SNAP91: variants seen among roughly 807,000 people sequenced by gnomAD.
The protein encoded by SNAP91 is clathrin coat assembly protein AP180.
SNAP91 carries 27 observed loss-of-function variants against 100.3 expected under a neutral mutation model. The observed-to-expected ratio is 0.27, with a 90% CI of 0.20 to 0.37. SNAP91 has a LOEUF of 0.37. SNAP91 is among the 10% of genes least tolerant of loss of function. The pLI is 1.00. For missense variants in SNAP91, 986 were observed against 1,123.7 expected, an observed-to-expected ratio of 0.88 and a Z score of 1.75; for synonymous variants, 404 against 398.6, an observed-to-expected ratio of 1.01 and a Z score of -0.16.
intron 9 of SNAP91, among the ~76,000 whole-genome samples, chr6:83,620,314 A>G (rs980189767): frequency 6.6e-6 from 1 of 152,146 alleles, no homozygotes; most frequent in African/African-American, 2.4e-5. Context: ...ATTTTTGTTC[A>G]TTACCTGGCT....
intron 12 of SNAP91, among the ~76,000 whole-genome samples, chr6:83,610,448 C>T (rs1011408490): frequency 6.7e-6 from 1 of 149,292 alleles, no homozygotes; most frequent in African/African-American, 2.5e-5. Context: ...GCCAGGGGAT[C>T]GGGGAGAGAG....
chr6:83,616,869 T>A, intron 10 of SNAP91, 100 bp downstream of exon 10: 1 of 803,132 alleles, frequency 1.2e-6, no homozygotes. Flanking sequence ...AAGCATACCC[T>A]AAAACTAGAG....
chr6:83,662,506 T>A (rs973804029), intron 3 of SNAP91, 84 bp from the exon 4 acceptor site: 17 of 442,850 alleles, frequency 3.8e-5, no homozygotes, highest in African/African-American at 3.1e-4. Flanking sequence ...TTTTTTTTTT[T>A]AACAAATTCT....
intron 7 of SNAP91, among the ~76,000 whole-genome samples, chr6:83,652,782 A>T (rs187607970): frequency 2.0e-4 from 30 of 152,290 alleles, no homozygotes; most frequent in Non-Finnish European, 3.5e-4. Context: ...GCAAATGCAG[A>T]TCTACTGGCA....
intron 2 of SNAP91, among the ~76,000 whole-genome samples, chr6:83,669,482 C>T (rs1242579184): frequency 2.0e-5 from 3 of 151,878 alleles, no homozygotes; most frequent in African/African-American, 7.3e-5. Context: ...GTTTATGAAA[C>T]AGCTTTATTG....
At chr6:83,642,287 C>A (rs1181230463) in intron 7 of SNAP91, among the ~76,000 whole-genome samples, 1 of 151,832 alleles carries the variant, frequency 6.6e-6, no homozygotes, top group Non-Finnish European at 1.5e-5. Flanking sequence ...TGTGCTGCAC[C>A]CATTAACTCA....
chr6:83,701,237 T>A (rs1043388046), intron 2 of SNAP91, among the ~76,000 whole-genome samples: 1 of 152,002 alleles, frequency 6.6e-6, no homozygotes, highest in Admixed American at 6.6e-5. Context: ...TGGAGATACT[T>A]GAAAATACTT....
intron 22 of SNAP91, among the ~76,000 whole-genome samples, chr6:83,585,755 T>C (rs80057233): frequency 6.6e-6 from 1 of 152,268 alleles, no homozygotes; most frequent in East Asian, 1.9e-4. Context: ...AATGAAGTTC[T>C]ATTGATTCAG....
chr6:83,655,006 T>C (rs1191394366), intron 7 of SNAP91, among the ~76,000 whole-genome samples: 1 of 152,202 alleles, frequency 6.6e-6, no homozygotes, highest in African/African-American at 2.4e-5. Flanking sequence ...CCTCTTTGGC[T>C]GTCATACTCC....
At chr6:83,666,998 A>G (rs746718814) in intron 2 of SNAP91, among the ~76,000 whole-genome samples, 6 of 152,142 alleles carry the variant, frequency 3.9e-5, no homozygotes, top group Non-Finnish European at 7.4e-5. Flanking sequence ...TTTGCAGAGC[A>G]CTGTGTACAA....
rs530170886 is a variant in SNAP91, at chr6:83,569,512, G to C, written c.2442+5498C>G. 4.6e-5 allele frequency among the ~76,000 whole-genome samples: 7 copies of C among 152,196 alleles called. No homozygotes were observed. The South Asian group carries it at 1.0e-3, about 23-fold the overall frequency. On this transcript the variant is annotated intron_variant, in intron 26 of 29. Transcript: ENST00000369694. ...ACAGTTAAGTCTTGATCTCAGGGTG[G>C]GTAATGGCCAAGGAAGTTCTTCAAC... is the stretch of plus-strand genomic sequence containing the variant.
At chr6:83,583,118 C>T (rs900786887) in intron 22 of SNAP91, among the ~76,000 whole-genome samples, 6 of 152,164 alleles carry the variant, frequency 3.9e-5, no homozygotes, top group South Asian at 2.1e-4. Context: ...AGCTGTGATC[C>T]GCCACTCGCA....
intron 20 of SNAP91, 139 bp downstream of exon 20, chr6:83,592,807 G>A (rs1450909425): frequency 1.3e-6 from 1 of 749,320 alleles, no homozygotes; most frequent in Non-Finnish European, 2.2e-6. Flanking sequence ...GGTTGATGAT[G>A]GTCCCAAGAG....
intron 2 of SNAP91, among the ~76,000 whole-genome samples, chr6:83,688,941 GT>G (rs1440837348): frequency 2.0e-5 from 3 of 152,146 alleles, no homozygotes; most frequent in African/African-American, 7.2e-5. Flanking sequence ...AGAGGCTGCC[GT>G]GTCTTTTCTG....
chr6:83,624,845 C>G (rs998780633), intron 8 of SNAP91, among the ~76,000 whole-genome samples: 4 of 152,096 alleles, frequency 2.6e-5, no homozygotes, highest in Non-Finnish European at 5.9e-5. Flanking sequence ...GAATTCCAGA[C>G]TTTACTTTTT....
intron 7 of SNAP91, among the ~76,000 whole-genome samples, chr6:83,650,159 T>C (rs373807328): frequency 6.6e-6 from 1 of 152,340 alleles, no homozygotes; most frequent in East Asian, 1.9e-4. Flanking sequence ...AATACATAAA[T>C]GAAAAATTCA....
intron 12 of SNAP91, among the ~76,000 whole-genome samples, chr6:83,609,705 A>G (rs989639542): frequency 7.9e-5 from 12 of 152,208 alleles, no homozygotes; most frequent in African/African-American, 2.4e-4. Context: ...TCACATGGTA[A>G]AAAAGAGACA....
In SNAP91 at chr6:83,556,151, G is replaced by C; in HGVS notation, c.*2C>G. 1 of 1,544,296 alleles carries C rather than the reference G, an allele frequency of 6.5e-7. No individual in the cohort carries two copies. The highest frequency in any genetic ancestry group is 8.8e-7 in the Non-Finnish European group (1 of 1,138,522). On this transcript the variant is annotated 3_prime_UTR_variant, in exon 29 of 30. Transcript: ENST00000369694. Reference sequence around the variant, plus strand: ...AGCTCAATATTAGATACCTTAAATTGTTTACAAGAAATCCTTGATGTTAAG... The same window carrying C: ...AGCTCAATATTAGATACCTTAAATTCTTTACAAGAAATCCTTGATGTTAAG...
intron 26 of SNAP91, among the ~76,000 whole-genome samples, chr6:83,572,285 G>A (rs574961326): frequency 1.2e-4 from 18 of 151,766 alleles, no homozygotes; most frequent in South Asian, 6.3e-4. Context: ...ACTCACTGTC[G>A]CCCACGGCTG....
Sources: allele counts gnomAD v4.1 joint callset (sites outside exome capture counted in the v4.1 genomes callset), GRCh38; gene constraint gnomAD v4.1.1; transcripts MANE v1.5; gene names NCBI Gene and HGNC (gene_info 2026-07-23, HGNC 2026-07-21).